Variants in RSPRY1 observed in about 807,000 individuals in gnomAD.
RSPRY1 encodes ring finger and SPRY domain containing 1.
A neutral mutation model predicts 73.1 loss-of-function variants in RSPRY1; 23 were observed. That is an observed-to-expected ratio of 0.31 (90% CI 0.23 to 0.45). The LOEUF (loss-of-function observed/expected upper bound fraction) is 0.45, where lower values mean the gene tolerates loss of function less well. Ranked by LOEUF, RSPRY1 falls within the 20% of genes least tolerant of loss-of-function variation. The pLI, the probability that RSPRY1 is intolerant of heterozygous loss-of-function variation, is 1.00. For missense variants in RSPRY1, 448 were observed against 698.7 expected (o/e 0.64, Z 4.05); for synonymous variants, 226 against 251.4 (o/e 0.90, Z 0.95).
intron 14 of RSPRY1, among the ~76,000 whole-genome samples, chr16:57,235,915 C>T (rs1158630591): frequency 6.6e-6 from 1 of 152,222 alleles, no homozygotes; most frequent in East Asian, 1.9e-4. Context: ...AGGAATGACT[C>T]AGCCTGGGCC....
chr16:57,218,288 A>G (rs553196722), intron 8 of RSPRY1, among the ~76,000 whole-genome samples: 114 of 152,274 alleles, frequency 7.5e-4, no homozygotes, highest in African/African-American at 2.7e-3. Flanking sequence ...AGCATTTATC[A>G]TTTATTTGTG....
In RSPRY1 at chr16:57,214,082, T is replaced by G. The variant is rs8048889; in HGVS notation, c.702+136T>G. ...CAATTGTAAATTTTATTTGCAGGTGTTTCCCGAGTGCTTATTTATTCCCTC... is the reference window on the plus strand; with the variant it reads ...CAATTGTAAATTTTATTTGCAGGTGGTTCCCGAGTGCTTATTTATTCCCTC... On this transcript the variant is annotated intron_variant, in intron 6 of 14. Transcript: ENST00000394420. 2.4e-3 allele frequency: 1,541 copies of G among 649,774 alleles called. 14 individuals carry two copies. In the African/African-American group the frequency reaches 0.025, roughly 11 times the overall value. The allele number at this position is 649,774 out of a possible 1,614,324, so 40.3% of individuals were successfully genotyped here. A position where few individuals can be genotyped will look rare whatever the true frequency, so the allele number is the denominator to read the frequency against.
chr16:57,222,883 G>A (rs2075061546), intron 10 of RSPRY1, among the ~76,000 whole-genome samples: 1 of 152,156 alleles, frequency 6.6e-6, no homozygotes, highest in Non-Finnish European at 1.5e-5. Context: ...TGTTACAAAT[G>A]TGTTTTTTTA....
chr16:57,193,871 G>A (rs1350740913), intron 1 of RSPRY1, among the ~76,000 whole-genome samples: 1 of 152,104 alleles, frequency 6.6e-6, no homozygotes, highest in African/African-American at 2.4e-5. Flanking sequence ...TTTGAGACCA[G>A]CCTAGCCCAC....
At chr16:57,232,732 A>AG (rs2075243997) in intron 13 of RSPRY1, among the ~76,000 whole-genome samples, 1 of 152,236 alleles carries the variant, frequency 6.6e-6, no homozygotes, top group African/African-American at 2.4e-5. Context: ...ATGGGCATCA[A>AG]CTATCAGAAA....
At position 57,230,747 on chromosome 16, in the gene RSPRY1, A is replaced by G; in HGVS notation, c.1310A>G (p.Lys437Arg). The G allele has an allele frequency of 1.2e-6, 2 of 1,611,296 alleles. No homozygotes were observed. Among genetic ancestry groups the G allele is most frequent in the Non-Finnish European group, 1.7e-6 (2 of 1,178,188 alleles). Reference protein sequence around the residue: ...TVGFLLDLNEKQMIFFLNGNQ... With the variant: ...TVGFLLDLNERQMIFFLNGNQ... ...GGATTTCTGTTAGACTTGAATGAAA[A>G]GCAAATGATCTTCTTTTTAAATGGC... is the stretch of plus-strand genomic sequence containing the variant. Residue 437 changes from lysine to arginine, a missense_variant, in exon 12 of 15, where the codon AAG becomes AGG. By Grantham distance (26) the Lys-to-Arg change is conservative. Transcript: ENST00000394420.
chr16:57,200,584 G>A (rs2074556201), intron 1 of RSPRY1, among the ~76,000 whole-genome samples: 1 of 143,770 alleles, frequency 7.0e-6, no homozygotes, highest in African/African-American at 2.6e-5. Context: ...GGGCAGAGGG[G>A]CTCCTCTCTT....
At chr16:57,187,442 C>CT (rs2074249474) in intron 1 of RSPRY1, among the ~76,000 whole-genome samples, 1 of 152,326 alleles carries the variant, frequency 6.6e-6, no homozygotes, top group South Asian at 2.1e-4. Flanking sequence ...TTAGAAGTGT[C>CT]TGTTATCGAC....
intron 1 of RSPRY1, among the ~76,000 whole-genome samples, chr16:57,203,974 C>T (rs1186385190): frequency 6.6e-6 from 1 of 152,176 alleles, no homozygotes; most frequent in Non-Finnish European, 1.5e-5. Flanking sequence ...TTTTATTCTC[C>T]TTGATATCAA....
At chr16:57,210,492 C>G (rs1412056570) in intron 4 of RSPRY1, among the ~76,000 whole-genome samples, 2 of 152,032 alleles carry the variant, frequency 1.3e-5, no homozygotes, top group African/African-American at 4.8e-5. Context: ...CACCTGAGGT[C>G]AGGAGTTCGA....
At chr16:57,194,205 A>T (rs1266837722) in intron 1 of RSPRY1, among the ~76,000 whole-genome samples, 1 of 152,254 alleles carries the variant, frequency 6.6e-6, no homozygotes, top group Non-Finnish European at 1.5e-5. Context: ...ACTTTGAAAT[A>T]TGTAAAAAAA....
intron 1 of RSPRY1, among the ~76,000 whole-genome samples, chr16:57,197,899 T>A (rs2074480853): frequency 6.7e-6 from 1 of 150,318 alleles, no homozygotes; most frequent in South Asian, 2.1e-4. Context: ...AATTTCTTAA[T>A]TTTTTCTGTA....
chr16:57,226,821 T>TGA (rs1286855443), intron 10 of RSPRY1, among the ~76,000 whole-genome samples: 4 of 152,190 alleles, frequency 2.6e-5, no homozygotes, highest in Non-Finnish European at 5.9e-5. Context: ...GGAATGCAGC[T>TGA]GAGCAGCCCA....
intron 13 of RSPRY1, 47 bp downstream of exon 13, chr16:57,231,366 T>C (rs1364938027): frequency 7.8e-6 from 12 of 1,539,478 alleles, no homozygotes; most frequent in East Asian, 2.3e-5. Context: ...ATGAATCTTA[T>C]GAGAAATTAA....
intron 1 of RSPRY1, among the ~76,000 whole-genome samples, chr16:57,194,217 CTG>C (rs1230261109): frequency 3.3e-5 from 5 of 151,752 alleles, no homozygotes; most frequent in Non-Finnish European, 5.9e-5. Flanking sequence ...GTAAAAAAAA[CTG>C]AATGGATTAA....
At chr16:57,218,639 C>T (rs1463117989) in intron 8 of RSPRY1, among the ~76,000 whole-genome samples, 2 of 149,676 alleles carry the variant, frequency 1.3e-5, no homozygotes, top group African/African-American at 4.9e-5. Flanking sequence ...CCTACAGTTC[C>T]ATCCATGTTA....
At chr16:57,201,329 C>A (rs1358075939) in intron 1 of RSPRY1, among the ~76,000 whole-genome samples, 2 of 145,576 alleles carry the variant, frequency 1.4e-5, no homozygotes, top group African/African-American at 5.7e-5. Context: ...GACGGGGCGG[C>A]CGGGCAGAGA....
intron 10 of RSPRY1, among the ~76,000 whole-genome samples, chr16:57,225,320 A>T (rs558903665): frequency 6.6e-6 from 1 of 152,272 alleles, no homozygotes; most frequent in East Asian, 1.9e-4. Flanking sequence ...CAAAGTGCTG[A>T]AATTACAGGC....
intron 1 of RSPRY1, among the ~76,000 whole-genome samples, chr16:57,195,995 C>T (rs1334499816): frequency 4.8e-5 from 7 of 145,834 alleles, no homozygotes; most frequent in Middle Eastern, 7.1e-3. Flanking sequence ...GGACTCCAGC[C>T]TGGCGACAGA....
Sources: gnomAD v4.1 joint callset for allele counts (sites outside exome capture counted in the v4.1 genomes callset) on GRCh38, gnomAD v4.1.1 for gene constraint, MANE v1.5 for transcripts, NCBI Gene and HGNC (gene_info 2026-07-23, HGNC 2026-07-21) for gene names.